CADPS2: variants seen among roughly 807,000 people sequenced by gnomAD.
CADPS2 encodes calcium-dependent secretion activator 2.
CADPS2 carries 93 observed loss-of-function variants against 172.5 expected under a neutral mutation model. The ratio of observed to expected loss-of-function variants is 0.54; its 90% CI spans 0.46 to 0.64. The LOEUF is 0.64. Among genes scored for constraint, CADPS2 ranks in the 30% least tolerant of loss-of-function variants. The pLI, the probability that CADPS2 is intolerant of heterozygous loss-of-function variation, is 0.00. For synonymous variants in CADPS2, 546 were observed against 555.2 expected, an observed-to-expected ratio of 0.98 and a Z score of 0.23; for missense variants, 1,420 against 1,565.9, an observed-to-expected ratio of 0.91 and a Z score of 1.57.
Position 122,471,377 on chromosome 7 carries a change from G to A in CADPS2, c.2184C>T (p.Asn728=), listed in dbSNP as rs1205838164. ...TTTGTATTTGCAAGTAAAAATACCT[G>A]TTGCCGTGCACATGAGAGGCACAGA... ...FAFCASHVHG[N]RPDGIGTVSV... is the part of the protein sequence containing the mutation. Residue 728 remains asparagine, a splice_region_variant and synonymous_variant, in exon 14 of 30, where the codon AAC becomes AAT. Transcript: ENST00000449022. The A allele has an allele frequency of 1.4e-5, 23 of 1,608,362 alleles. No homozygotes were observed. Among genetic ancestry groups the A allele is most frequent in the Non-Finnish European group, 1.9e-5 (22 of 1,177,260 alleles).
intron 1 of CADPS2, among the ~76,000 whole-genome samples, chr7:122,805,121 G>A (rs112350018): frequency 2.6e-5 from 4 of 152,030 alleles, no homozygotes; most frequent in Admixed American, 6.6e-5. Context: ...CCCCCAGCAA[G>A]GTACCCTGAT....
chr7:122,642,791 T>C (rs891439043), intron 3 of CADPS2, among the ~76,000 whole-genome samples: 1 of 152,190 alleles, frequency 6.6e-6, no homozygotes, highest in Middle Eastern at 3.2e-3. Context: ...TAACTGTTTT[T>C]CCATAATCAT....
chr7:122,595,055 T>G (rs2071535326), intron 6 of CADPS2, among the ~76,000 whole-genome samples: 1 of 151,932 alleles, frequency 6.6e-6, no homozygotes, highest in African/African-American at 2.4e-5. Context: ...ACCAATATGT[T>G]ATGTTCATAT....
intron 6 of CADPS2, among the ~76,000 whole-genome samples, chr7:122,588,208 T>C (rs1280388627): frequency 2.6e-5 from 4 of 151,840 alleles, no homozygotes; most frequent in African/African-American, 9.7e-5. Context: ...AGAAGCTCTT[T>C]AGTTTAATTA....
intron 6 of CADPS2, among the ~76,000 whole-genome samples, chr7:122,601,306 G>A (rs2072737455): frequency 6.6e-6 from 1 of 152,010 alleles, no homozygotes; most frequent in Non-Finnish European, 1.5e-5. Flanking sequence ...AAAAAGGAAA[G>A]TTAAACATTA....
At chr7:122,858,687 G>A (rs188773444) in intron 1 of CADPS2, among the ~76,000 whole-genome samples, 116 of 152,240 alleles carry the variant, frequency 7.6e-4, no homozygotes, top group African/African-American at 2.6e-3. Context: ...TTTGAAACAC[G>A]TTATATATAG....
intron 2 of CADPS2, among the ~76,000 whole-genome samples, chr7:122,675,040 G>A (rs564066288): frequency 7.9e-5 from 12 of 152,040 alleles, no homozygotes; most frequent in South Asian, 4.2e-4. Flanking sequence ...TTTTTTTTAC[G>A]TGGAAACATT....
intron 1 of CADPS2, among the ~76,000 whole-genome samples, chr7:122,879,230 C>CCA: frequency 7.4e-6 from 1 of 134,910 alleles, no homozygotes; most frequent in Non-Finnish European, 1.5e-5. Context: ...GAGTGATACT[C>CCA]TGCCTCAAAA....
intron 20 of CADPS2, among the ~76,000 whole-genome samples, chr7:122,396,525 T>C (rs958121506): frequency 6.6e-6 from 1 of 152,230 alleles, no homozygotes; most frequent in Non-Finnish European, 1.5e-5. Flanking sequence ...TGGATCATTA[T>C]GACAAGCTTG....
At chr7:122,474,594 A>G in intron 12 of CADPS2, 77 bp from the exon 13 acceptor site, 2 of 1,367,178 alleles carry the variant, frequency 1.5e-6, no homozygotes, top group Non-Finnish European at 2.0e-6. Context: ...TGAAGAATAC[A>G]AAATGCGTGA....
chr7:122,409,466 C>T (rs2047043954), intron 19 of CADPS2: 1 of 279,928 alleles, frequency 3.6e-6, no homozygotes, highest in Non-Finnish European at 7.6e-6. Context: ...AAATGGAATA[C>T]ACTTTTTTTT....
intron 9 of CADPS2, among the ~76,000 whole-genome samples, chr7:122,509,494 C>T (rs1489198161): frequency 6.6e-6 from 1 of 152,216 alleles, no homozygotes; most frequent in East Asian, 1.9e-4. Context: ...TGATGTCACA[C>T]AGTCAGTGGC....
intron 3 of CADPS2, among the ~76,000 whole-genome samples, chr7:122,644,384 T>C (rs1442692606): frequency 1.3e-5 from 2 of 149,850 alleles, no homozygotes; most frequent in African/African-American, 4.8e-5. Context: ...CCAAATCTTC[T>C]TGGAAGATGA....
At chr7:122,366,785 C>A (rs558179844) in intron 25 of CADPS2, 1 of 149,242 alleles carries the variant, frequency 6.7e-6, no homozygotes, top group Non-Finnish European at 1.5e-5. Context: ...AATCCAGCTG[C>A]GAAACTACTT....
chr7:122,744,561 G>T (rs2092639444), intron 1 of CADPS2, among the ~76,000 whole-genome samples: 1 of 152,102 alleles, frequency 6.6e-6, no homozygotes. Flanking sequence ...ACCTAAGCTG[G>T]CTGGATATAG....
At chr7:122,493,426 C>G (rs997877029) in intron 9 of CADPS2, among the ~76,000 whole-genome samples, 1 of 152,046 alleles carries the variant, frequency 6.6e-6, no homozygotes, top group East Asian at 1.9e-4. Context: ...AAGTAAAAGG[C>G]GCAGGTCATT....
intron 1 of CADPS2, among the ~76,000 whole-genome samples, chr7:122,882,145 C>T (rs146064329): frequency 5.9e-5 from 9 of 152,292 alleles, no homozygotes; most frequent in Middle Eastern, 3.4e-3. Context: ...AAATGTTCTT[C>T]TCCAGATCAA....
Position 122,491,415 on chromosome 7 carries a change from G to A in CADPS2, c.1548C>T (p.Ser516=). The A allele has an allele frequency of 2.5e-6, 4 of 1,577,468 alleles. No homozygotes were observed. Among genetic ancestry groups the A allele is most frequent in the Non-Finnish European group, 3.4e-6 (4 of 1,162,236 alleles). ...KKRYFVLVQV[S]QYTFAMCSYR... The stretch of plus-strand genomic sequence containing the variant: ...AACTGCACATAGCAAAGGTATATTG[G>A]CTAACCTGCTCGAGAAAAAAAAAGT... The change falls in exon 10 of 30, where the codon AGC becomes AGT. Residue 516 remains serine, a synonymous_variant. Transcript: ENST00000449022.
chr7:122,555,553 T>C (rs539182758), intron 7 of CADPS2, among the ~76,000 whole-genome samples: 10 of 152,240 alleles, frequency 6.6e-5, no homozygotes, highest in African/African-American at 1.9e-4. Context: ...GAAGTTTAGA[T>C]ATGAATGGAA....
Sources: allele counts gnomAD v4.1 joint callset (sites outside exome capture counted in the v4.1 genomes callset), GRCh38; gene constraint gnomAD v4.1.1; transcripts MANE v1.5; gene names NCBI Gene and HGNC (gene_info 2026-07-23, HGNC 2026-07-21).